The following CSMD1 variants were observed in gnomAD, a reference collection of about 807,000 sequenced individuals.
CSMD1 encodes CUB and Sushi multiple domains 1.
CSMD1 carries 213 observed loss-of-function variants against 417.5 expected under a neutral mutation model. That is an observed-to-expected ratio of 0.51 (90% CI 0.46 to 0.57). CSMD1 has a LOEUF of 0.57. CSMD1 is among the 20% of genes least tolerant of loss of function. CSMD1 has a pLI of 0.00. For missense variants in CSMD1, 6,923 were observed against 4,529.7 expected (o/e 1.53, Z -15.17); for synonymous variants, 2,862 against 1,736.8 (o/e 1.65, Z -16.11).
At chr8:3,584,465 G>T (rs1403150349) in intron 9 of CSMD1, among the ~76,000 whole-genome samples, 24 of 152,152 alleles carry the variant, frequency 1.6e-4, no homozygotes. Context: ...CTGGGGGGTT[G>T]AGAAGGATGG....
At chr8:4,952,831 ACT>A (rs1434091796) in intron 1 of CSMD1, among the ~76,000 whole-genome samples, 1 of 152,112 alleles carries the variant, frequency 6.6e-6, no homozygotes, top group Non-Finnish European at 1.5e-5. Flanking sequence ...GTTTTTAATA[ACT>A]CTGACTATAT....
At chr8:3,756,742 T>C (rs557095485) in intron 5 of CSMD1, among the ~76,000 whole-genome samples, 27 of 152,272 alleles carry the variant, frequency 1.8e-4, no homozygotes, top group African/African-American at 6.5e-4. Flanking sequence ...TTTGAACATA[T>C]ATATTTTCTC....
intron 3 of CSMD1, among the ~76,000 whole-genome samples, chr8:4,288,338 C>A (rs1461967835): frequency 6.6e-6 from 1 of 152,146 alleles, no homozygotes; most frequent in Non-Finnish European, 1.5e-5. Context: ...CTTCACCCTT[C>A]AATTTTCTTA....
In CSMD1 at chr8:3,285,910, G is replaced by A. The variant is rs968168872; in HGVS notation, c.3951-1564C>T. Among the ~76,000 whole-genome samples the A allele has an allele frequency of 7.2e-5, 11 of 151,922 alleles. 1 individual carries two copies. Among genetic ancestry groups the A allele is most frequent in the Non-Finnish European group, 1.5e-4 (10 of 68,000 alleles). On this transcript the variant is annotated intron_variant, in intron 25 of 69. Transcript: ENST00000635120. ...AGGTTTGTTACATGTGTATACATGT[G>A]CCATGTTGGTCTGCTGCACCCATTA...
At chr8:4,366,662 G>C (rs1425198390) in intron 3 of CSMD1, among the ~76,000 whole-genome samples, 1 of 151,710 alleles carries the variant, frequency 6.6e-6, no homozygotes, top group Non-Finnish European at 1.5e-5. Context: ...GTTTTGATTT[G>C]CATGTCTCTA....
chr8:3,369,558 T>A (rs1420121822), intron 18 of CSMD1, among the ~76,000 whole-genome samples, 188 bp from the exon 19 acceptor site: 2 of 152,140 alleles, frequency 1.3e-5, no homozygotes, highest in African/African-American at 4.8e-5. Context: ...TATGAAGGGA[T>A]CTTAACCACT....
intron 3 of CSMD1, among the ~76,000 whole-genome samples, chr8:4,044,560 G>A (rs778522472): frequency 3.9e-5 from 6 of 152,152 alleles, no homozygotes; most frequent in Non-Finnish European, 7.3e-5. Flanking sequence ...ATTCTACCAC[G>A]GCAGAGCTCG....
At chr8:3,953,929 C>T (rs895773946) in intron 5 of CSMD1, among the ~76,000 whole-genome samples, 1 of 152,206 alleles carries the variant, frequency 6.6e-6, no homozygotes, top group East Asian at 1.9e-4. Flanking sequence ...ACGGCCCTGG[C>T]AAGGGTGGCT....
In CSMD1 at chr8:3,168,556, T is replaced by C. The variant is rs576290604; in HGVS notation, c.5726-6279A>G. On this transcript the variant is annotated intron_variant, in intron 37 of 69. Transcript: ENST00000635120. ...GGAAGTAAATGTCAAATGCCATGAT[T>C]ATAGACAGCTATAAATGTGGACCTC... Among the ~76,000 whole-genome samples, 160 of 152,194 alleles carry C rather than the reference T, an allele frequency of 1.1e-3. 1 individual carries two copies. The highest frequency in any genetic ancestry group is 3.8e-3 in the African/African-American group (159 of 41,498).
At chr8:3,785,470 A>G (rs2720741) in intron 5 of CSMD1, among the ~76,000 whole-genome samples, 134,989 of 152,220 alleles carry the variant, frequency 0.89, 60,109 homozygotes, top group Non-Finnish European at 0.93. Flanking sequence ...ATGCCCTCCT[A>G]AGGCTTGTAC....
At chr8:3,279,864 C>T (rs2117209088) in intron 26 of CSMD1, among the ~76,000 whole-genome samples, 1 of 152,240 alleles carries the variant, frequency 6.6e-6, no homozygotes, top group South Asian at 2.1e-4. Context: ...GGGAAACTGC[C>T]CTCATGATCC....
At chr8:3,434,781 G>C (rs961435282) in intron 12 of CSMD1, among the ~76,000 whole-genome samples, 7 of 152,090 alleles carry the variant, frequency 4.6e-5, no homozygotes, top group Non-Finnish European at 8.8e-5. Flanking sequence ...TCATCTCCTG[G>C]AACAGACAGT....
chr8:3,016,218 T>A (rs1448137027), intron 52 of CSMD1, among the ~76,000 whole-genome samples: 3 of 152,198 alleles, frequency 2.0e-5, no homozygotes, highest in African/African-American at 7.2e-5. Flanking sequence ...TAGTTGATAT[T>A]TGGATTATGG....
intron 50 of CSMD1, among the ~76,000 whole-genome samples, chr8:3,041,706 A>C (rs894207002): frequency 1.3e-5 from 2 of 152,228 alleles, no homozygotes; most frequent in African/African-American, 2.4e-5. Flanking sequence ...CTGTTAAATG[A>C]AAGATGAGGA....
intron 52 of CSMD1, among the ~76,000 whole-genome samples, chr8:3,005,914 C>G (rs979802571): frequency 6.6e-6 from 1 of 152,016 alleles, no homozygotes; most frequent in Non-Finnish European, 1.5e-5. Flanking sequence ...GTCGGAAGTT[C>G]TGGCCAGGGC....
intron 3 of CSMD1, among the ~76,000 whole-genome samples, chr8:4,060,619 C>T (rs1422668944): frequency 2.0e-5 from 3 of 152,110 alleles, no homozygotes; most frequent in East Asian, 1.9e-4. Context: ...GCCACCTTAG[C>T]GATGGGGCTA....
At chr8:4,694,013 A>G (rs1447633320) in intron 1 of CSMD1, among the ~76,000 whole-genome samples, 1 of 152,212 alleles carries the variant, frequency 6.6e-6, no homozygotes, top group African/African-American at 2.4e-5. Context: ...CCCCCAAATC[A>G]CTAAGCCAAA....
chr8:4,220,419 C>T (rs1233351653), intron 3 of CSMD1, among the ~76,000 whole-genome samples: 2 of 152,118 alleles, frequency 1.3e-5, no homozygotes, highest in African/African-American at 2.4e-5. Flanking sequence ...TAGCAGTATG[C>T]GACGTCCATG....
chr8:3,230,242 A>C lies in CSMD1; in HGVS notation c.4154-11T>G. ...TGGCTGCAATTGAGGCTGCAAACAAAAGAGAAGGCAAGGTCACAGGCTGGA... is the reference window on the plus strand; with the variant it reads ...TGGCTGCAATTGAGGCTGCAAACAACAGAGAAGGCAAGGTCACAGGCTGGA... On this transcript the variant is annotated splice_polypyrimidine_tract_variant and intron_variant, in intron 26 of 69. Coordinates refer to ENST00000635120, the MANE Select transcript of CSMD1 (RefSeq NM_033225.6). 6.4e-7 allele frequency: 1 copy of C among 1,555,084 alleles called. No individual in the cohort carries two copies. Among genetic ancestry groups the C allele is most frequent in the Non-Finnish European group, 8.7e-7 (1 of 1,147,638 alleles).
Sources: gnomAD v4.1 joint callset for allele counts (sites outside exome capture counted in the v4.1 genomes callset) on GRCh38, gnomAD v4.1.1 for gene constraint, MANE v1.5 for transcripts, NCBI Gene and HGNC (gene_info 2026-07-23, HGNC 2026-07-21) for gene names.